The following MTMR8 variants were observed in gnomAD, a reference collection of about 807,000 sequenced individuals.
MTMR8 encodes the protein myotubularin related protein 8, also known as phosphatidylinositol-3,5-bisphosphate 3-phosphatase MTMR8.
MTMR8 carries 65 observed loss-of-function variants against 39.3 expected under a neutral mutation model. That is an observed-to-expected ratio of 1.65 (90% CI 1.35 to 2.03). MTMR8 has a LOEUF of 2.03. Among genes scored for constraint, MTMR8 ranks in the 30% most tolerant of loss-of-function variants. The pLI, the probability that MTMR8 is intolerant of heterozygous loss-of-function variation, is 0.00. For missense variants in MTMR8, 777 were observed against 538.9 expected (o/e 1.44, Z -4.37); for synonymous variants, 245 against 185.2 (o/e 1.32, Z -2.62).
At chrX:64,388,485 T>G (rs914821206) in intron 1 of MTMR8, among the ~76,000 whole-genome samples, 2 of 112,196 alleles carry the variant, frequency 1.8e-5, no homozygotes, top group Non-Finnish European at 3.8e-5. Flanking sequence ...GGTTAAGTGT[T>G]AAAAATACAA....
chrX:64,316,699 T>A (rs1922475697), intron 12 of MTMR8, among the ~76,000 whole-genome samples: 1 of 111,656 alleles, frequency 9.0e-6, no homozygotes, highest in African/African-American at 3.3e-5. Context: ...TATATTTTTT[T>A]TGGCACTTAA....
intron 12 of MTMR8, among the ~76,000 whole-genome samples, chrX:64,295,852 T>C (rs1488379985): frequency 8.9e-6 from 1 of 111,956 alleles, no homozygotes; most frequent in African/African-American, 3.2e-5. Context: ...CCTTGTGCAT[T>C]GCTGATGGGA....
rs200059103 is a variant in MTMR8, at chrX:64,359,451, T to G, written c.101A>C (p.His34Pro). Reference sequence around the variant, plus strand: ...ACCTGAAGCCTCCACATAGATCAGGTGGGTTGCAGTAAGATAAAGAATCCC... The same window carrying G: ...ACCTGAAGCCTCCACATAGATCAGGGGGGTTGCAGTAAGATAAAGAATCCC... ...ANGILYLTAT[H>P]LIYVEASGAA... The change falls in exon 2 of 14, where the codon CAC (histidine) becomes CCC (proline). Residue 34 changes from histidine (H) to proline (P), a missense_variant. By Grantham distance (77) the His-to-Pro change is moderately conservative. Transcript: ENST00000374852. The G allele has an allele frequency of 5.0e-6, 6 of 1,206,691 alleles. No homozygotes were observed. In the Admixed American group the frequency reaches 1.3e-4, roughly 27 times the overall value.
At chrX:64,392,018 G>A (rs1924702629) in intron 1 of MTMR8, among the ~76,000 whole-genome samples, 1 of 111,809 alleles carries the variant, frequency 8.9e-6, no homozygotes, top group African/African-American at 3.3e-5. Context: ...GATGTAATGA[G>A]GGTAGGGAAA....
At position 64,343,700 on chromosome X, in the gene MTMR8, T is replaced by A. The variant is rs761624382; in HGVS notation, c.886A>T (p.Thr296Ser). ...AGGCCGCTAAGAAATTCACTCATTG[T>A]TGGAGTTTTCAATTCACAAACTAAG... is the stretch of plus-strand genomic sequence containing the variant. ...LLEVCELKTP[T>S]MSEFLSGLES... is the part of the protein sequence containing the mutation. The change falls in exon 8 of 14, where the codon ACA becomes TCA. Residue 296 changes from threonine to serine, a missense_variant. Coordinates refer to ENST00000374852, the MANE Select transcript of MTMR8 (RefSeq NM_017677.4). 2.4e-5 allele frequency: 29 copies of A among 1,201,736 alleles called. No individual in the cohort carries two copies. The South Asian group carries it at 4.8e-4, about 20-fold the overall frequency.
intron 12 of MTMR8, among the ~76,000 whole-genome samples, chrX:64,281,330 A>T (rs1019925625): frequency 8.9e-6 from 1 of 111,895 alleles, no homozygotes; most frequent in East Asian, 2.8e-4. Context: ...CCAAAACAGC[A>T]TGGTATTGGT....
chrX:64,381,517 T>C (rs1485005602), intron 1 of MTMR8, among the ~76,000 whole-genome samples: 1 of 108,386 alleles, frequency 9.2e-6, no homozygotes, highest in African/African-American at 3.4e-5. Flanking sequence ...TTTTGTCAGA[T>C]GGGTAGATTG....
chrX:64,302,323 A>C (rs1602118533), intron 12 of MTMR8, among the ~76,000 whole-genome samples: 1 of 112,270 alleles, frequency 8.9e-6, no homozygotes, highest in South Asian at 3.7e-4. Context: ...GGAGTGACCC[A>C]ATTTTCCAGG....
chrX:64,372,547 A>G (rs541634345), intron 1 of MTMR8, among the ~76,000 whole-genome samples: 2 of 112,064 alleles, frequency 1.8e-5, no homozygotes, highest in African/African-American at 6.5e-5. Context: ...ATTAATTCTT[A>G]AAGAATATTA....
intron 2 of MTMR8, among the ~76,000 whole-genome samples, chrX:64,357,792 T>C (rs760164938): frequency 9.0e-6 from 1 of 111,615 alleles, no homozygotes; most frequent in Non-Finnish European, 1.9e-5. Flanking sequence ...TAATATGAAT[T>C]AATATATTCA....
chrX:64,296,717 C>T (rs1039580443), intron 12 of MTMR8, among the ~76,000 whole-genome samples: 3 of 108,055 alleles, frequency 2.8e-5, no homozygotes, highest in African/African-American at 1.0e-4. Flanking sequence ...TCTTCCAATG[C>T]TATCCCTTCC....
chrX:64,311,071 A>G (rs1228786559), intron 12 of MTMR8, among the ~76,000 whole-genome samples: 1 of 111,878 alleles, frequency 8.9e-6, no homozygotes, highest in Non-Finnish European at 1.9e-5. Flanking sequence ...TTGAGGAATC[A>G]CCACACTGTC....
chrX:64,299,886 G>A (rs1278872476), intron 12 of MTMR8, among the ~76,000 whole-genome samples: 7 of 82,193 alleles, frequency 8.5e-5, no homozygotes, highest in Non-Finnish European at 1.6e-4. Flanking sequence ...GTAGTTGAGC[G>A]GCTTTGAGTG....
chrX:64,320,289 T>C (rs1443463434), intron 12 of MTMR8, among the ~76,000 whole-genome samples: 1 of 111,202 alleles, frequency 9.0e-6, no homozygotes, highest in Non-Finnish European at 1.9e-5. Flanking sequence ...TAAATTTTGG[T>C]AAGAGAGTGA....
rs374881357 is a variant in MTMR8 at position 64,354,784 on chromosome X, T to C, written c.461A>G (p.Asn154Ser). Residue 154 changes from asparagine to serine, a missense_variant, in exon 4 of 14, where the codon AAC becomes AGC. Physicochemically the swap from Asn to Ser is conservative, Grantham distance 46. Transcript: ENST00000374852. ...CAACAAGGACAAAATTACCTCATAG[T>C]TTCTGTTGGCATCTGTTATGGTCCA... ...RNWTITDANR[N>S]YEICSTYPPE... The C allele has an allele frequency of 3.4e-6, 4 of 1,181,303 alleles. No individual in the cohort carries two copies. Among genetic ancestry groups the C allele is most frequent in the Non-Finnish European group, 4.5e-6 (4 of 881,875 alleles).
At chrX:64,378,315 G>T (rs1924322848) in intron 1 of MTMR8, among the ~76,000 whole-genome samples, 1 of 111,571 alleles carries the variant, frequency 9.0e-6, no homozygotes, top group South Asian at 3.8e-4. Flanking sequence ...CAACCTCCTG[G>T]ACTCCAGTGA....
chrX:64,381,396 T>G (rs1447130118), intron 1 of MTMR8, among the ~76,000 whole-genome samples: 1 of 111,561 alleles, frequency 9.0e-6, no homozygotes, highest in East Asian at 2.8e-4. Context: ...ATAAATGTCT[T>G]TTTTTGAGAA....
intron 1 of MTMR8, among the ~76,000 whole-genome samples, chrX:64,382,435 G>A (rs1042010679): frequency 3.6e-5 from 4 of 111,453 alleles, no homozygotes; most frequent in Admixed American, 9.6e-5. Context: ...AATGCTTGTG[G>A]TTTTTGCACA....
chrX:64,303,575 G>A (rs745522439), intron 12 of MTMR8, among the ~76,000 whole-genome samples: 1 of 112,068 alleles, frequency 8.9e-6, no homozygotes, highest in African/African-American at 3.2e-5. Context: ...AAAGGGGAAG[G>A]CACATGATTT....
Sources: allele counts gnomAD v4.1 joint callset (sites outside exome capture counted in the v4.1 genomes callset), GRCh38; gene constraint gnomAD v4.1.1; transcripts MANE v1.5; gene names NCBI Gene and HGNC (gene_info 2026-07-23, HGNC 2026-07-21).